ATG7: variants seen among roughly 807,000 people sequenced by gnomAD.
ATG7 encodes the protein autophagy related 7.
In ATG7, 70 loss-of-function variants were observed where a neutral mutation model predicts 82.4. The ratio of observed to expected loss-of-function variants is 0.85; its 90% CI spans 0.70 to 1.04. The LOEUF (loss-of-function observed/expected upper bound fraction) is 1.04, where lower values mean the gene tolerates loss of function less well. Among genes scored for constraint, ATG7 ranks in the 50% least tolerant of loss-of-function variants. The pLI, the probability that ATG7 is intolerant of heterozygous loss-of-function variation, is 0.00. For synonymous variants in ATG7, 287 were observed against 313.0 expected (o/e 0.92, Z 0.88); for missense variants, 792 against 864.3 (o/e 0.92, Z 1.05).
chr3:11,357,479 T>G (rs2076006353), intron 14 of ATG7, among the ~76,000 whole-genome samples: 1 of 152,220 alleles, frequency 6.6e-6, no homozygotes, highest in Non-Finnish European at 1.5e-5. Flanking sequence ...AATATCTACA[T>G]ACTCCTAAGT....
At chr3:11,340,389 G>A (rs1295646769) in intron 11 of ATG7, among the ~76,000 whole-genome samples, 2 of 151,734 alleles carry the variant, frequency 1.3e-5, no homozygotes, top group East Asian at 3.9e-4. Flanking sequence ...TATTTCAGAA[G>A]CTCCTGTACA....
intron 20 of ATG7, among the ~76,000 whole-genome samples, chr3:11,548,768 G>A (rs1174245653): frequency 6.7e-6 from 1 of 150,008 alleles, no homozygotes; most frequent in Admixed American, 6.7e-5. Flanking sequence ...TAGTCAGCTG[G>A]TTCCCCGCTG....
intron 19 of ATG7, among the ~76,000 whole-genome samples, chr3:11,425,410 T>C (rs565882435): frequency 6.6e-6 from 1 of 152,374 alleles, no homozygotes; most frequent in South Asian, 2.1e-4. Flanking sequence ...CTATTTCTTG[T>C]ATAATTACTG....
At chr3:11,349,887 CAAGAG>C (rs2075411615) in intron 14 of ATG7, among the ~76,000 whole-genome samples, 1 of 152,188 alleles carries the variant, frequency 6.6e-6, no homozygotes, top group African/African-American at 2.4e-5. Context: ...TACCAGATAA[CAAGAG>C]AAAAGTCATT....
chr3:11,383,768 C>T (rs1005810107), intron 19 of ATG7, among the ~76,000 whole-genome samples: 1 of 152,198 alleles, frequency 6.6e-6, no homozygotes, highest in African/African-American at 2.4e-5. Context: ...TATATTTACT[C>T]ACTTGCTGAA....
intron 18 of ATG7, among the ~76,000 whole-genome samples, chr3:11,375,039 TAA>T (rs1201010073): frequency 7.3e-4 from 3 of 4,108 alleles, no homozygotes; most frequent in South Asian, 0.015. Context: ...TCATCTCTCT[TAA>T]AAAAAAAAAA....
intron 20 of ATG7, among the ~76,000 whole-genome samples, chr3:11,514,290 T>C (rs2092193903): frequency 6.6e-6 from 1 of 152,230 alleles, no homozygotes; most frequent in Admixed American, 6.5e-5. Context: ...CAAACTGTTT[T>C]CCTTCCCATA....
chr3:11,544,909 C>T (rs561955202), intron 20 of ATG7, among the ~76,000 whole-genome samples: 2 of 152,198 alleles, frequency 1.3e-5, no homozygotes, highest in Non-Finnish European at 2.9e-5. Flanking sequence ...ACGCAGTCCC[C>T]TGGGGAAGTC....
rs143294564 is a variant in ATG7 at position 11,309,044 on chromosome 3, C to T, written c.394C>T (p.Leu132Phe). The T allele has an allele frequency of 1.2e-6, 2 of 1,613,754 alleles. No individual in the cohort carries two copies. Among genetic ancestry groups the T allele is most frequent in the Non-Finnish European group, 1.7e-6 (2 of 1,179,754 alleles). Residue 132 changes from leucine to phenylalanine, a missense_variant, in exon 7 of 21, where the codon CTC (leucine) becomes TTC (phenylalanine). By Grantham distance (22) the Leu-to-Phe change is conservative. Coordinates refer to ENST00000693202, the MANE Select transcript of ATG7 (RefSeq NM_001349232.2). Reference protein sequence around the residue: ...LENPVLLNKFLLLTFADLKKY... With the variant: ...LENPVLLNKFFLLTFADLKKY... Reference sequence around the variant, plus strand: ...AAACCCTGTACTCCTCAACAAGTTCCTCCTCTTGACATTTGCAGTAAGTAA... The same window carrying T: ...AAACCCTGTACTCCTCAACAAGTTCTTCCTCTTGACATTTGCAGTAAGTAA...
intron 20 of ATG7, among the ~76,000 whole-genome samples, chr3:11,450,017 C>T (rs1436141782): frequency 6.6e-6 from 1 of 152,188 alleles, no homozygotes; most frequent in East Asian, 1.9e-4. Context: ...CCTGGGGGAG[C>T]TCCCTTCCAA....
At chr3:11,484,553 T>C (rs2089400938) in intron 20 of ATG7, among the ~76,000 whole-genome samples, 1 of 151,592 alleles carries the variant, frequency 6.6e-6, no homozygotes, top group Admixed American at 6.6e-5. Flanking sequence ...TTTTCTTTTA[T>C]TTTATTATTA....
the ATG7 span, among the ~76,000 whole-genome samples, chr3:11,570,472 G>C: frequency 5.9e-5 from 9 of 152,202 alleles, no homozygotes. Flanking sequence ...TGGCTGGACC[G>C]TGCACTCCCG....
At chr3:11,373,758 T>C (rs1388155010) in intron 18 of ATG7, among the ~76,000 whole-genome samples, 2 of 152,192 alleles carry the variant, frequency 1.3e-5, no homozygotes, top group African/African-American at 4.8e-5. Context: ...GGATTTTAGA[T>C]TGCTCTGGGG....
chr3:11,508,229 G>A (rs1470378894), intron 20 of ATG7, among the ~76,000 whole-genome samples: 3 of 151,940 alleles, frequency 2.0e-5, no homozygotes, highest in Admixed American at 2.0e-4. Flanking sequence ...GAGGCACACA[G>A]TGTCTAAGGT....
chr3:11,321,449 T>C (rs1279968761), intron 9 of ATG7, among the ~76,000 whole-genome samples: 1 of 152,178 alleles, frequency 6.6e-6, no homozygotes, highest in South Asian at 2.1e-4. Flanking sequence ...TGGTCACTCA[T>C]ACATGTTATC....
intron 19 of ATG7, among the ~76,000 whole-genome samples, chr3:11,383,213 G>A (rs565157999): frequency 6.6e-6 from 1 of 152,286 alleles, no homozygotes; most frequent in African/African-American, 2.4e-5. Context: ...ATTGCATTTA[G>A]TTGTCGTGTC....
chr3:11,511,723 G>A (rs1007467165), intron 20 of ATG7, among the ~76,000 whole-genome samples: 1 of 152,196 alleles, frequency 6.6e-6, no homozygotes, highest in African/African-American at 2.4e-5. Context: ...GTGGGCTGCA[G>A]GTCCTGAGCC....
intron 20 of ATG7, among the ~76,000 whole-genome samples, chr3:11,541,411 T>A (rs1197063278): frequency 6.6e-6 from 1 of 152,194 alleles, no homozygotes; most frequent in South Asian, 2.1e-4. Context: ...ACCTCTGTAT[T>A]CCTGGTTATC....
intron 15 of ATG7, among the ~76,000 whole-genome samples, chr3:11,359,652 C>T (rs900001373): frequency 1.4e-4 from 21 of 151,884 alleles, no homozygotes; most frequent in African/African-American, 4.8e-4. Context: ...ACCGAGATCA[C>T]GCCATTGCAT....
Sources: gnomAD v4.1 joint callset for allele counts (sites outside exome capture counted in the v4.1 genomes callset) on GRCh38, gnomAD v4.1.1 for gene constraint, MANE v1.5 for transcripts, NCBI Gene and HGNC (gene_info 2026-07-23, HGNC 2026-07-21) for gene names.